Variants in LY86 observed in about 807,000 individuals in gnomAD.
LY86 encodes the protein MD-1, RP105-associated.
A neutral mutation model predicts 17.3 loss-of-function variants in LY86; 20 were observed. That is an observed-to-expected ratio of 1.15 (90% CI 0.81 to 1.68). LY86 has a LOEUF of 1.68. Among genes scored for constraint, LY86 ranks in the 40% most tolerant of loss-of-function variants. The pLI, the probability that LY86 is intolerant of heterozygous loss-of-function variation, is 0.00. For missense variants in LY86, 200 were observed against 191.9 expected, an observed-to-expected ratio of 1.04 and a Z score of -0.25; for synonymous variants, 74 against 70.6, an observed-to-expected ratio of 1.05 and a Z score of -0.24.
chr6:6,640,482 G>A (rs147348355), intron 3 of LY86, among the ~76,000 whole-genome samples: 3 of 152,116 alleles, frequency 2.0e-5, no homozygotes, highest in Non-Finnish European at 2.9e-5. Flanking sequence ...AGCTACAGAG[G>A]CTGCGGCAGG....
intron 1 of LY86, among the ~76,000 whole-genome samples, chr6:6,613,011 T>C (rs889866962): frequency 6.6e-6 from 1 of 150,842 alleles, no homozygotes; most frequent in Non-Finnish European, 1.5e-5. Flanking sequence ...AGATACAGAG[T>C]GCTGATTGGT....
At chr6:6,647,401 CT>C (rs1010174538) in intron 3 of LY86, among the ~76,000 whole-genome samples, 21 of 151,782 alleles carry the variant, frequency 1.4e-4, no homozygotes, top group South Asian at 1.0e-3. Flanking sequence ...CTTCAGTTAT[CT>C]TTTTTTTTCT....
intron 1 of LY86, among the ~76,000 whole-genome samples, chr6:6,606,498 G>A (rs935914975): frequency 1.3e-5 from 2 of 152,214 alleles, no homozygotes; most frequent in African/African-American, 4.8e-5. Flanking sequence ...GGTGGTCGAT[G>A]GGACCGGGGC....
At chr6:6,647,594 T>A (rs1180692801) in intron 3 of LY86, among the ~76,000 whole-genome samples, 1 of 152,140 alleles carries the variant, frequency 6.6e-6, no homozygotes, top group Non-Finnish European at 1.5e-5. Context: ...AGCAGCAGCA[T>A]TCAGCATGGC....
At chr6:6,638,701 A>G (rs1458882619) in intron 3 of LY86, among the ~76,000 whole-genome samples, 1 of 152,034 alleles carries the variant, frequency 6.6e-6, no homozygotes, top group Non-Finnish European at 1.5e-5. Flanking sequence ...GTACATGTGC[A>G]CAATGTGCAG....
chr6:6,597,773 A>T (rs1396784160), intron 1 of LY86, among the ~76,000 whole-genome samples: 1 of 152,240 alleles, frequency 6.6e-6, no homozygotes, highest in East Asian at 1.9e-4. Flanking sequence ...TAACCAACAC[A>T]GTGGCCAGGA....
intron 3 of LY86, among the ~76,000 whole-genome samples, chr6:6,628,036 C>CT (rs202086977): frequency 0.15 from 21,652 of 147,398 alleles, 1,837 homozygotes; most frequent in African/African-American, 0.24. Flanking sequence ...CAAATTGGGA[C>CT]TTTTTTTTTT....
intron 1 of LY86, among the ~76,000 whole-genome samples, chr6:6,619,246 A>G (rs144577432): frequency 1.1e-3 from 175 of 152,342 alleles, no homozygotes; most frequent in African/African-American, 4.0e-3. Flanking sequence ...AAAAGAAGAA[A>G]TCAAAAGCAA....
chr6:6,654,929 A>G lies in LY86; in HGVS notation c.*302A>G, dbSNP rs1581255711. ...TCCCACCAGACTCACCTGCTTTTCA[A>G]CTTTTTAGGAGTGCTTCCTCACAGT... On this transcript the variant is annotated 3_prime_UTR_variant, in exon 5 of 5. Transcript: ENST00000230568. 3 of 335,136 alleles carry G rather than the reference A, an allele frequency of 9.0e-6. No individual in the cohort carries two copies. The highest frequency in any genetic ancestry group is 8.4e-4 in the Middle Eastern group (1 of 1,186). 20.8% of individuals were successfully genotyped at this position (335,136 alleles called of 1,614,324 possible). A position where few individuals can be genotyped will look rare whatever the true frequency, so the allele number is the denominator to read the frequency against.
chr6:6,633,153 C>T (rs1303921276), intron 3 of LY86, among the ~76,000 whole-genome samples: 1 of 152,060 alleles, frequency 6.6e-6, no homozygotes, highest in Non-Finnish European at 1.5e-5. Flanking sequence ...CAGGTATCAC[C>T]CTGGGAAGTA....
intron 4 of LY86, 119 bp from the exon 5 acceptor site, chr6:6,654,425 A>G (rs1762230667): frequency 2.7e-6 from 2 of 747,490 alleles, no homozygotes; most frequent in South Asian, 3.5e-5. Flanking sequence ...GTCTTGTTCT[A>G]CGTTATCCAC....
intron 1 of LY86, among the ~76,000 whole-genome samples, chr6:6,605,651 T>C (rs1761096268): frequency 6.6e-6 from 1 of 152,260 alleles, no homozygotes; most frequent in South Asian, 2.1e-4. Context: ...CGCTATGTTC[T>C]ACTGTGTCTG....
At chr6:6,589,834 AT>A (rs1760470404) in intron 1 of LY86, among the ~76,000 whole-genome samples, 1 of 152,040 alleles carries the variant, frequency 6.6e-6, no homozygotes, top group South Asian at 2.1e-4. Context: ...TAAAGACCCT[AT>A]CTCCAGCAGG....
chr6:6,608,042 T>C (rs1170120948), intron 1 of LY86, among the ~76,000 whole-genome samples: 6 of 152,202 alleles, frequency 3.9e-5, no homozygotes, highest in African/African-American at 1.4e-4. Context: ...ACCTAAAATA[T>C]AGATCTACAG....
intron 1 of LY86, among the ~76,000 whole-genome samples, chr6:6,607,450 C>G (rs550299850): frequency 4.1e-4 from 63 of 152,008 alleles, no homozygotes; most frequent in African/African-American, 1.4e-3. Context: ...TACTACCTGA[C>G]TAGAAATAAA....
At chr6:6,601,297 T>A (rs1009738018) in intron 1 of LY86, among the ~76,000 whole-genome samples, 10 of 152,234 alleles carry the variant, frequency 6.6e-5, no homozygotes, top group Non-Finnish European at 8.8e-5. Flanking sequence ...CCCTTCCTAC[T>A]AAACCACAGT....
chr6:6,607,834 A>G (rs1436965099), intron 1 of LY86, among the ~76,000 whole-genome samples: 1 of 152,220 alleles, frequency 6.6e-6, no homozygotes, highest in Non-Finnish European at 1.5e-5. Context: ...CGGGAGGCAA[A>G]GGTTGCGGTA....
At chr6:6,595,229 T>TAGGAGGAGGGAAGAGAACA (rs1391006372) in intron 1 of LY86, among the ~76,000 whole-genome samples, 2 of 101,046 alleles carry the variant, frequency 2.0e-5, no homozygotes, top group Non-Finnish European at 4.0e-5. Flanking sequence ...GGAAAAGGAG[T>TAGGAGGAGGGAAGAGAACA]AGGAGGAGGG....
At chr6:6,646,149 GA>G in intron 3 of LY86, among the ~76,000 whole-genome samples, 1 of 152,280 alleles carries the variant, frequency 6.6e-6, no homozygotes, top group Non-Finnish European at 1.5e-5. Context: ...CATGACAAAT[GA>G]ACCCCGGGCA....
Sources: allele counts gnomAD v4.1 joint callset (sites outside exome capture counted in the v4.1 genomes callset), GRCh38; gene constraint gnomAD v4.1.1; transcripts MANE v1.5; gene names NCBI Gene and HGNC (gene_info 2026-07-23, HGNC 2026-07-21).